SLC5A12: variants seen among roughly 807,000 people sequenced by gnomAD.
SLC5A12 encodes the protein solute carrier family 5 member 12.
In SLC5A12, 46 loss-of-function variants were observed where a neutral mutation model predicts 72.7. The ratio of observed to expected loss-of-function variants is 0.63; its 90% CI spans 0.50 to 0.81. SLC5A12 has a LOEUF of 0.81. SLC5A12 is among the 30% of genes least tolerant of loss of function. The pLI is 0.00. For missense variants in SLC5A12, 683 were observed against 740.7 expected (o/e 0.92, Z 0.90); for synonymous variants, 275 against 264.4 (o/e 1.04, Z -0.39).
intron 8 of SLC5A12, among the ~76,000 whole-genome samples, chr11:26,695,873 T>C (rs1342854350): frequency 2.0e-5 from 3 of 152,198 alleles, no homozygotes; most frequent in Non-Finnish European, 2.9e-5. Context: ...GGGCCTTAGG[T>C]GCCAGTGTTT....
chr11:26,689,156 G>A (rs1181713424), intron 9 of SLC5A12, among the ~76,000 whole-genome samples: 1 of 151,622 alleles, frequency 6.6e-6, no homozygotes, highest in Non-Finnish European at 1.5e-5. Context: ...AGCACTTAGG[G>A]AGGCCTAGGC....
In SLC5A12 at chr11:26,721,672, C is replaced by G. The variant is rs370104278; in HGVS notation, c.43G>C (p.Ala15Pro). The G allele has an allele frequency of 2.4e-5, 39 of 1,613,958 alleles. No homozygotes were observed. The highest frequency in any genetic ancestry group is 3.3e-5 in the Non-Finnish European group (39 of 1,180,018). The change falls in exon 1 of 15, where the codon GCA becomes CCA. Residue 15 changes from alanine to proline, a missense_variant. Ala to Pro is a conservative substitution (Grantham distance 27, BLOSUM62 -1). Transcript: ENST00000396005. ...NFAVWDYVVF[A>P]ALFFISSGIG... is the part of the protein sequence containing the mutation. ...CCAGAGGAAATGAAAAAGAGGGCTG[C>G]AAATACAACATAATCCCAAACTGCA...
In SLC5A12 at chr11:26,703,791, A is replaced by G; in HGVS notation, c.680+2T>C. On this transcript the variant is annotated splice_donor_variant, in intron 5 of 14. Transcript: ENST00000396005. LOFTEE classifies it high-confidence loss of function. ...AGTATGAAAAAGTTGCATTGGACAT[A>G]CTCAAATATATGTAGTCGAGATCCA... The G allele has an allele frequency of 6.2e-7, 1 of 1,613,758 alleles. No homozygotes were observed. The highest frequency in any genetic ancestry group is 8.5e-7 in the Non-Finnish European group (1 of 1,179,780).
At chr11:26,683,949 A>C in intron 10 of SLC5A12, 106 bp from the exon 11 acceptor site, 1 of 784,494 alleles carries the variant, frequency 1.3e-6, no homozygotes, top group Non-Finnish European at 2.1e-6. Context: ...CCTAGTCCTG[A>C]CTGTGCCATT....
At chr11:26,711,274 G>C (rs757202584) in intron 3 of SLC5A12, 33 bp downstream of exon 3, 1 of 1,589,626 alleles carries the variant, frequency 6.3e-7, no homozygotes, top group Admixed American at 1.7e-5. Flanking sequence ...CATAAAAATG[G>C]TAAAATATGC....
At position 26,681,203 on chromosome 11, in the gene SLC5A12, GA is replaced by G. The variant is rs1291699390; in HGVS notation, c.1326del (p.Thr444LeufsTer38). Reference sequence around the variant, plus strand: ...CAAAATGACAAGGTGATTCCAGTAAGAAGACCTCCTAGTGCACCCTGGATGA... The same window carrying G: ...CAAAATGACAAGGTGATTCCAGTAAGAGACCTCCTAGTGCACCCTGGATGA... ...FVNWKGALGG[L>X]LTGITLSFWV... On this transcript the variant is annotated frameshift_variant, in exon 12 of 15. Transcript: ENST00000396005. LOFTEE classifies it high-confidence loss of function. The G allele has an allele frequency of 2.5e-6, 4 of 1,603,254 alleles. No individual in the cohort carries two copies. The highest frequency in any genetic ancestry group is 3.4e-6 in the Non-Finnish European group (4 of 1,175,360).
At chr11:26,709,912 T>C (rs1855180748) in intron 3 of SLC5A12, among the ~76,000 whole-genome samples, 1 of 152,052 alleles carries the variant, frequency 6.6e-6, no homozygotes, top group Admixed American at 6.6e-5. Flanking sequence ...ATCCTTTTAT[T>C]GAATGTACCT....
intron 14 of SLC5A12, among the ~76,000 whole-genome samples, chr11:26,673,075 T>C (rs4603259): frequency 0.51 from 77,160 of 152,058 alleles, 21,405 homozygotes; most frequent in East Asian, 0.69. Flanking sequence ...TGAACTATTA[T>C]AGGAGAATGT....
At chr11:26,674,871 T>C (rs2133132419) in intron 13 of SLC5A12, among the ~76,000 whole-genome samples, 1 of 152,348 alleles carries the variant, frequency 6.6e-6, no homozygotes, top group East Asian at 1.9e-4. Context: ...TTACATAGAT[T>C]ATCACTAATC....
chr11:26,690,053 A>G (rs1259512642), intron 9 of SLC5A12, among the ~76,000 whole-genome samples: 1 of 152,182 alleles, frequency 6.6e-6, no homozygotes, highest in Admixed American at 6.5e-5. Flanking sequence ...AATACAAAAT[A>G]CAACACAATT....
In SLC5A12 at chr11:26,709,299, G is replaced by C. The variant is rs765546989; in HGVS notation, c.525+13C>G. 1.2e-6 allele frequency: 2 copies of C among 1,601,230 alleles called. No individual in the cohort carries two copies. Among genetic ancestry groups the C allele is most frequent in the African/African-American group, 2.7e-5 (2 of 74,586 alleles). ...AGGTAGTGTTAAATACTTCTTCACA[G>C]CTAGATACATACCAGGGTACAGTAG... is the stretch of plus-strand genomic sequence containing the variant. On this transcript the variant is annotated intron_variant, in intron 4 of 14. Coordinates refer to ENST00000396005, the MANE Select transcript of SLC5A12 (RefSeq NM_178498.4).
intron 10 of SLC5A12, among the ~76,000 whole-genome samples, chr11:26,685,354 G>T (rs145200806): frequency 2.0e-5 from 3 of 152,276 alleles, no homozygotes; most frequent in Non-Finnish European, 4.4e-5. Context: ...AGGCGTAGTG[G>T]CTCACATCTG....
chr11:26,712,669 G>A lies in SLC5A12; in HGVS notation c.377C>T (p.Ala126Val), dbSNP rs777194883. ...QLRFNKPVRY[A>V]ATVIYIVQTI... ...CTGTACAATGTAGATGACCGTGGCAGCATAGCGAACTGGTTTGTTGAATCG... is the reference window on the plus strand; with the variant it reads ...CTGTACAATGTAGATGACCGTGGCAACATAGCGAACTGGTTTGTTGAATCG... The change falls in exon 2 of 15, where the codon GCT (alanine) becomes GTT (valine). Residue 126 changes from alanine to valine, a missense_variant. Ala to Val is a moderately conservative substitution (Grantham distance 64). Coordinates refer to ENST00000396005, the MANE Select transcript of SLC5A12 (RefSeq NM_178498.4). 9 of 1,590,134 alleles carry A rather than the reference G, an allele frequency of 5.7e-6. No homozygotes were observed. The South Asian group carries it at 7.9e-5, about 14-fold the overall frequency.
At chr11:26,681,653 A>T (rs1000233446) in intron 11 of SLC5A12, among the ~76,000 whole-genome samples, 3 of 152,182 alleles carry the variant, frequency 2.0e-5, no homozygotes, top group African/African-American at 7.2e-5. Flanking sequence ...TAACCAGCAG[A>T]GTCCCCTGAC....
In SLC5A12 at chr11:26,721,629, G is replaced by A. The variant is rs1355897807; in HGVS notation, c.86C>T (p.Ala29Val). The change falls in exon 1 of 15, where the codon GCC becomes GTC. Residue 29 changes from alanine (A) to valine (V), a missense_variant. Physicochemically the swap from Ala to Val is moderately conservative, Grantham distance 64 (BLOSUM62 0). Coordinates refer to ENST00000396005, the MANE Select transcript of SLC5A12 (RefSeq NM_178498.4). Reference sequence around the variant, plus strand: ...AGTTGCCTTTTTTCTCTCCTTAATGGCAAAGAACACCCCAATTCCAGAGGA... The same window carrying A: ...AGTTGCCTTTTTTCTCTCCTTAATGACAAAGAACACCCCAATTCCAGAGGA... ...FISSGIGVFF[A>V]IKERKKATSR... 1 of 1,614,086 alleles carries A rather than the reference G, an allele frequency of 6.2e-7. No homozygotes were observed. Among genetic ancestry groups the A allele is most frequent in the South Asian group, 1.1e-5 (1 of 91,072 alleles).
chr11:26,700,927 C>T (rs549766926), intron 6 of SLC5A12, among the ~76,000 whole-genome samples: 75 of 152,244 alleles, frequency 4.9e-4, no homozygotes, highest in African/African-American at 1.7e-3. Context: ...TTTTACTTAC[C>T]TATTTTGCAG....
At chr11:26,711,485 G>A (rs1319953174) in intron 2 of SLC5A12, 127 bp from the exon 3 acceptor site, 5 of 737,644 alleles carry the variant, frequency 6.8e-6, no homozygotes, top group Non-Finnish European at 9.6e-6. Flanking sequence ...TTGCATTCCT[G>A]TTGACTCTAA....
chr11:26,692,350 A>G, intron 9 of SLC5A12, 139 bp downstream of exon 9: 1 of 639,032 alleles, frequency 1.6e-6, no homozygotes, highest in Non-Finnish European at 2.8e-6. Context: ...AAGTGTAAGA[A>G]TCTATGTGTG....
intron 4 of SLC5A12, among the ~76,000 whole-genome samples, chr11:26,706,865 A>G (rs189844439): frequency 4.7e-5 from 7 of 150,400 alleles, no homozygotes; most frequent in Admixed American, 4.0e-4. Context: ...TAAAACATTT[A>G]ATAATATATA....
Sources: allele counts gnomAD v4.1 joint callset (sites outside exome capture counted in the v4.1 genomes callset), GRCh38; gene constraint gnomAD v4.1.1; transcripts MANE v1.5; gene names NCBI Gene and HGNC (gene_info 2026-07-23, HGNC 2026-07-21).